The following APLF variants were observed in gnomAD, a reference collection of about 807,000 sequenced individuals.
APLF encodes aprataxin and PNKP like factor.
A neutral mutation model predicts 55.6 loss-of-function variants in APLF; 61 were observed. That is an observed-to-expected ratio of 1.10 (90% CI 0.89 to 1.36). The LOEUF (loss-of-function observed/expected upper bound fraction) is 1.36, where lower values mean the gene tolerates loss of function less well. APLF is among the 40% of genes most tolerant of loss of function. The pLI, the probability that APLF is intolerant of heterozygous loss-of-function variation, is 0.00. For missense variants in APLF, 611 were observed against 602.5 expected (o/e 1.01, Z -0.15); for synonymous variants, 207 against 214.8 (o/e 0.96, Z 0.32).
At chr2:68,508,397 A>G (rs1676939083) in intron 3 of APLF, among the ~76,000 whole-genome samples, 1 of 151,870 alleles carries the variant, frequency 6.6e-6, no homozygotes, top group Admixed American at 6.6e-5. Context: ...TGCTGGGACA[A>G]TTGAATATCC....
At chr2:68,545,085 C>G in intron 7 of APLF, 102 bp from the exon 8 acceptor site, 1 of 1,373,362 alleles carries the variant, frequency 7.3e-7, no homozygotes, top group Non-Finnish European at 1.0e-6. Flanking sequence ...GGTTTATGTT[C>G]AAGGATAGCC....
At chr2:68,537,363 C>G (rs756933017) in intron 6 of APLF, among the ~76,000 whole-genome samples, 140 of 150,070 alleles carry the variant, frequency 9.3e-4, no homozygotes, top group Non-Finnish European at 1.6e-3. Flanking sequence ...AATTTCTTTT[C>G]TTTCCTTTTT....
At chr2:68,497,581 CTT>C (rs111444956) in intron 2 of APLF, among the ~76,000 whole-genome samples, 1 of 145,166 alleles carries the variant, frequency 6.9e-6, no homozygotes. Context: ...TCAATTAAAC[CTT>C]TTTTTTTTTT....
intron 8 of APLF, among the ~76,000 whole-genome samples, chr2:68,566,144 A>T (rs1187130192): frequency 6.6e-6 from 1 of 152,226 alleles, no homozygotes; most frequent in Middle Eastern, 3.4e-3. Context: ...GGGAGGATTT[A>T]TAGAAAAATT....
At chr2:68,480,396 C>T (rs1404359860) in intron 1 of APLF, among the ~76,000 whole-genome samples, 1 of 151,818 alleles carries the variant, frequency 6.6e-6, no homozygotes, top group Non-Finnish European at 1.5e-5. Flanking sequence ...CCTCCGTCTC[C>T]CAGATTCAAG....
intron 5 of APLF, among the ~76,000 whole-genome samples, chr2:68,518,429 TTATATAA>T (rs1669728835): frequency 8.9e-6 from 1 of 112,564 alleles, no homozygotes. Flanking sequence ...TAATAATTTA[TTATATAA>T]TATATAATAA....
chr2:68,558,785 C>A (rs556344658), intron 8 of APLF, among the ~76,000 whole-genome samples: 3 of 152,242 alleles, frequency 2.0e-5, no homozygotes, highest in South Asian at 2.1e-4. Context: ...CTGATGCTCT[C>A]CCTCTGCCTA....
At chr2:68,551,982 A>G (rs556307846) in intron 8 of APLF, among the ~76,000 whole-genome samples, 2 of 152,132 alleles carry the variant, frequency 1.3e-5, no homozygotes, top group East Asian at 3.9e-4. Context: ...AAAACTCAGT[A>G]CACTTTTGTT....
rs1209828102 is a variant in APLF at position 68,538,083 on chromosome 2, A to C, written c.1016A>C (p.Glu339Ala). ...SSAQGDSLQDESQGSHSESSS... is the reference protein window; with the variant it reads ...SSAQGDSLQDASQGSHSESSS... The stretch of plus-strand genomic sequence containing the variant: ...GCCCAGGGCGACTCACTTCAGGATG[A>C]GTCTCAAGGGTCTCATTCTGAGTCC... The change falls in exon 7 of 10, where the codon GAG (glutamate) becomes GCG (alanine). Residue 339 changes from glutamate (E) to alanine (A), a missense_variant. Glu to Ala is a moderately radical substitution (Grantham distance 107). Coordinates refer to ENST00000303795, the MANE Select transcript of APLF (RefSeq NM_173545.3). The C allele has an allele frequency of 1.9e-6, 3 of 1,614,012 alleles. No homozygotes were observed. The highest frequency in any genetic ancestry group is 2.5e-6 in the Non-Finnish European group (3 of 1,179,978).
Position 68,579,187 on chromosome 2 carries a change from G to T in APLF, c.*1165G>T. 1 of 763,830 alleles carries T rather than the reference G, an allele frequency of 1.3e-6. No homozygotes were observed. The highest frequency in any genetic ancestry group is 1.6e-6 in the Non-Finnish European group (1 of 628,220). 47.3% of individuals were successfully genotyped at this position (763,830 alleles called of 1,614,324 possible). A position where few individuals can be genotyped will look rare whatever the true frequency, so the allele number is the denominator to read the frequency against. On this transcript the variant is annotated 3_prime_UTR_variant, in exon 10 of 10. Coordinates refer to ENST00000303795, the MANE Select transcript of APLF (RefSeq NM_173545.3). ...ATATTTATAATAATATTTTCTCATT[G>T]CTTTAAAATATATCTCCCAGTAATT...
rs551078528 is a variant in APLF at position 68,577,680 on chromosome 2, G to A, written c.1334-140G>A. 2.1e-4 allele frequency: 215 copies of A among 1,006,390 alleles called. 1 individual carries two copies. Among genetic ancestry groups the A allele is most frequent in the Middle Eastern group, 6.9e-4 (3 of 4,348 alleles). 62.3% of individuals were successfully genotyped at this position (1,006,390 alleles called of 1,614,324 possible). ...AATAACAAAGCATCATTTTAGTGCC[G>A]TTTCCAGAAATTTGTAGTGGTAAGC... On this transcript the variant is annotated intron_variant, in intron 9 of 9. Coordinates refer to ENST00000303795, the MANE Select transcript of APLF (RefSeq NM_173545.3).
At chr2:68,518,742 AT>A (rs1219922001) in intron 5 of APLF, among the ~76,000 whole-genome samples, 136 of 124,814 alleles carry the variant, frequency 1.1e-3, no homozygotes, top group African/African-American at 4.3e-3. Flanking sequence ...TCATGAATAT[AT>A]CATTAATATA....
At chr2:68,565,152 C>CACTAGTTAAA (rs1234827176) in intron 8 of APLF, among the ~76,000 whole-genome samples, 5 of 152,048 alleles carry the variant, frequency 3.3e-5, no homozygotes, top group Non-Finnish European at 7.4e-5. Flanking sequence ...TTGAAAGTAA[C>CACTAGTTAAA]ACTAGTTAAA....
intron 7 of APLF, among the ~76,000 whole-genome samples, chr2:68,540,821 CTT>C (rs1011819099): frequency 3.3e-5 from 5 of 151,830 alleles, no homozygotes; most frequent in Non-Finnish European, 5.9e-5. Flanking sequence ...GACAAACTGA[CTT>C]TATAGAGGAA....
chr2:68,552,433 A>G (rs1456976248), intron 8 of APLF, among the ~76,000 whole-genome samples: 1 of 152,168 alleles, frequency 6.6e-6, no homozygotes, highest in Non-Finnish European at 1.5e-5. Flanking sequence ...AAATATCTTC[A>G]GGGAAGAAAG....
At chr2:68,517,409 C>A (rs1488882615) in intron 5 of APLF, among the ~76,000 whole-genome samples, 6 of 126,930 alleles carry the variant, frequency 4.7e-5, no homozygotes, top group Non-Finnish European at 9.5e-5. Flanking sequence ...ATTAATATAT[C>A]TATATATTAC....
Position 68,538,143 on chromosome 2 carries a change from CA to C in APLF, c.1079del (p.Lys360ArgfsTer77), listed in dbSNP as rs1424125870. 6.2e-7 allele frequency: 1 copy of C among 1,613,998 alleles called. No homozygotes were observed. The highest frequency in any genetic ancestry group is 8.5e-7 in the Non-Finnish European group (1 of 1,179,912). On this transcript the variant is annotated frameshift_variant, in exon 7 of 10. Coordinates refer to ENST00000303795, the MANE Select transcript of APLF (RefSeq NM_173545.3). LOFTEE classifies it high-confidence loss of function. Reference sequence around the variant, plus strand: ...CCCTCCAATCCTGAAACTTTGCATGCAAAGGCAACTGATTCAGTTCTACAAG... The same window carrying C: ...CCCTCCAATCCTGAAACTTTGCATGCAAGGCAACTGATTCAGTTCTACAAG... ...SNPSNPETLH[A>X]KATDSVLQGS...
chr2:68,502,578 A>G (rs539916882), intron 2 of APLF, among the ~76,000 whole-genome samples, 153 bp from the exon 3 acceptor site: 98 of 152,050 alleles, frequency 6.4e-4, no homozygotes, highest in Non-Finnish European at 9.9e-4. Context: ...AGTTAGATTT[A>G]TTAAACTTTT....
At position 68,579,163 on chromosome 2, in the gene APLF, T is replaced by C. The variant is rs1300564379; in HGVS notation, c.*1141T>C. The C allele has an allele frequency of 2.2e-5, 17 of 786,858 alleles. No homozygotes were observed. The highest frequency in any genetic ancestry group is 2.6e-5 in the Non-Finnish European group (17 of 649,312). 48.7% of individuals were successfully genotyped at this position (786,858 alleles called of 1,614,324 possible). A position where few individuals can be genotyped will look rare whatever the true frequency, so the allele number is the denominator to read the frequency against. ...ATTTATATCTTAAAAGATCAAAACA[T>C]ATTTATAATAATATTTTCTCATTGC... is the stretch of plus-strand genomic sequence containing the variant. On this transcript the variant is annotated 3_prime_UTR_variant, in exon 10 of 10. Transcript: ENST00000303795.
Sources: gnomAD v4.1 joint callset for allele counts (sites outside exome capture counted in the v4.1 genomes callset) on GRCh38, gnomAD v4.1.1 for gene constraint, MANE v1.5 for transcripts, NCBI Gene and HGNC (gene_info 2026-07-23, HGNC 2026-07-21) for gene names.